The following ABCG1 variants were observed in gnomAD, a reference collection of about 807,000 sequenced individuals.
ABCG1 encodes ATP binding cassette subfamily G member 1, also known as ATP-binding cassette sub-family G member 1.
Under a neutral mutation model 69.2 loss-of-function variants are expected in ABCG1, and 29 were observed. The observed-to-expected ratio is 0.42, with a 90% CI of 0.31 to 0.57. The LOEUF (loss-of-function observed/expected upper bound fraction) is 0.57. Among genes scored for constraint, ABCG1 ranks in the 20% least tolerant of loss-of-function variants. ABCG1 has a pLI of 0.15. For synonymous variants in ABCG1, 370 were observed against 374.8 expected (o/e 0.99, Z 0.15); for missense variants, 718 against 898.1 (o/e 0.80, Z 2.56).
intron 13 of ABCG1, among the ~76,000 whole-genome samples, chr21:42,292,440 C>A (rs2069081141): frequency 6.6e-6 from 1 of 152,034 alleles, no homozygotes; most frequent in African/African-American, 2.4e-5. Flanking sequence ...AACCCGTGTG[C>A]CCCAAGGCCA....
intron 2 of ABCG1, chr21:42,256,444 G>A: frequency 1.3e-6 from 2 of 1,549,400 alleles, no homozygotes; most frequent in Non-Finnish European, 1.7e-6. Flanking sequence ...AGTATCCAGA[G>A]GCCGCAGAGT....
chr21:42,218,899 C>A (rs72542412), upstream of ABCG1, among the ~76,000 whole-genome samples: 2 of 152,220 alleles, frequency 1.3e-5, no homozygotes, highest in African/African-American at 4.8e-5. Context: ...GCTGGCCCAG[C>A]CCCCGCGAGT....
At chr21:42,206,219 A>G (rs2067541274) in intron 2 of ABCG1, among the ~76,000 whole-genome samples, 1 of 152,102 alleles carries the variant, frequency 6.6e-6, no homozygotes, top group Non-Finnish European at 1.5e-5. Flanking sequence ...ACATGGTGGC[A>G]CACACCTGTA....
At chr21:42,259,686 G>T (rs910712582) in intron 2 of ABCG1, among the ~76,000 whole-genome samples, 1 of 152,232 alleles carries the variant, frequency 6.6e-6, no homozygotes, top group African/African-American at 2.4e-5. Context: ...GCATTCGCAC[G>T]TGCATGTAAT....
At chr21:42,270,331 T>C (rs2068594048) in intron 2 of ABCG1, among the ~76,000 whole-genome samples, 1 of 151,822 alleles carries the variant, frequency 6.6e-6, no homozygotes, top group Non-Finnish European at 1.5e-5. Context: ...GCTTCTGTTT[T>C]ATTATTTACA....
At chr21:42,237,346 G>A (rs955615944) in intron 2 of ABCG1, among the ~76,000 whole-genome samples, 5 of 152,222 alleles carry the variant, frequency 3.3e-5, no homozygotes, top group African/African-American at 1.2e-4. Context: ...TGAACTGCCA[G>A]TCATTCTAGC....
intron 5 of ABCG1, among the ~76,000 whole-genome samples, chr21:42,277,868 T>G (rs1380953898): frequency 6.6e-6 from 1 of 152,128 alleles, no homozygotes; most frequent in African/African-American, 2.4e-5. Context: ...CATTTCCCCC[T>G]CTCCGGTCAT....
upstream of ABCG1, among the ~76,000 whole-genome samples, chr21:42,218,697 C>T (rs1386128809): frequency 6.6e-6 from 1 of 152,140 alleles, no homozygotes; most frequent in Non-Finnish European, 1.5e-5. Flanking sequence ...CAGAGAGCTG[C>T]CCAACACCGT....
At position 42,291,072 on chromosome 21, in the gene ABCG1, T is replaced by A. The variant is rs770273889; in HGVS notation, c.1394-20T>A. On this transcript the variant is annotated intron_variant, in intron 11 of 14. Coordinates refer to ENST00000398449, the MANE Select transcript of ABCG1 (RefSeq NM_016818.3). This position sits in a 1 kb window ranked among gnomAD's most constrained non-coding sequence, Gnocchi z 6.4. ...TGCACATGGTCACTGACCCTTCTTT[T>A]TTGCTTTTCTATCTCCTAGTTCCCC... 1 of 1,594,994 alleles carries A rather than the reference T, an allele frequency of 6.3e-7. No homozygotes were observed. The highest frequency in any genetic ancestry group is 8.6e-7 in the Non-Finnish European group (1 of 1,162,866).
At position 42,296,617 on chromosome 21, in the gene ABCG1, A is replaced by T; in HGVS notation, c.*225A>T. The T allele has an allele frequency of 6.1e-6, 3 of 488,502 alleles. No individual in the cohort carries two copies. Among genetic ancestry groups the T allele is most frequent in the Non-Finnish European group, 1.1e-5 (3 of 272,428 alleles). The allele number at this position is 488,502 out of a possible 1,614,324, so 30.3% of individuals were successfully genotyped here. Reference sequence around the variant, plus strand: ...GCTTTAACTAGGAAGATGTAGGCAGATTGGTGGTTTTTTTTTTTTTAACAT... The same window carrying T: ...GCTTTAACTAGGAAGATGTAGGCAGTTTGGTGGTTTTTTTTTTTTTAACAT... On this transcript the variant is annotated 3_prime_UTR_variant, in exon 15 of 15. Transcript: ENST00000398449. The surrounding 1 kb of genome is among the most constrained non-coding windows in gnomAD (Gnocchi z 5.4).
chr21:42,235,199 C>G (rs1335940275), intron 2 of ABCG1, among the ~76,000 whole-genome samples: 3 of 152,186 alleles, frequency 2.0e-5, no homozygotes, highest in Non-Finnish European at 1.5e-5. Flanking sequence ...GGTGTTGCCA[C>G]CCGGGGCGGC....
At chr21:42,282,567 C>T in intron 6 of ABCG1, 148 bp downstream of exon 6, 1 of 945,346 alleles carries the variant, frequency 1.1e-6, no homozygotes, top group Non-Finnish European at 1.5e-6. Flanking sequence ...TCTGGGACCA[C>T]TGGGCAGAAG....
intron 2 of ABCG1, among the ~76,000 whole-genome samples, chr21:42,240,577 C>T (rs768249989): frequency 2.6e-5 from 4 of 152,194 alleles, no homozygotes; most frequent in South Asian, 2.1e-4. Context: ...CAGCCTCCCA[C>T]GTAGCTGGGA....
At chr21:42,256,362 G>T (rs762349182) in intron 2 of ABCG1, 2 of 1,550,374 alleles carry the variant, frequency 1.3e-6, no homozygotes, top group Admixed American at 2.0e-5. Context: ...GTCAGGAGAG[G>T]TTGGTCTGTC....
intron 4 of ABCG1, among the ~76,000 whole-genome samples, chr21:42,274,889 G>A (rs900219668): frequency 1.3e-5 from 2 of 152,178 alleles, no homozygotes; most frequent in African/African-American, 4.8e-5. Flanking sequence ...AAATCAGTGT[G>A]CAGCTCCAGT....
intron 2 of ABCG1, among the ~76,000 whole-genome samples, chr21:42,257,156 G>C (rs1194910263): frequency 6.6e-6 from 1 of 152,188 alleles, no homozygotes; most frequent in African/African-American, 2.4e-5. Context: ...ACTTGCCCAA[G>C]GTCACACGGC....
chr21:42,259,366 G>C (rs2068364979), intron 2 of ABCG1: 1 of 1,550,424 alleles, frequency 6.4e-7, no homozygotes, highest in African/African-American at 1.4e-5. Flanking sequence ...AAACTGGAGA[G>C]CTCAGTGTTT....
In ABCG1 at chr21:42,265,304, T is replaced by A. The variant is rs569424852; in HGVS notation, c.287-5766T>A. Among the ~76,000 whole-genome samples the A allele has an allele frequency of 2.2e-4, 33 of 152,240 alleles. 1 individual carries two copies. Among genetic ancestry groups the A allele is most frequent in the Middle Eastern group, 3.4e-3 (1 of 294 alleles). On this transcript the variant is annotated intron_variant, in intron 2 of 14. Transcript: ENST00000398449. Reference sequence around the variant, plus strand: ...GGTTGAGTTGCATCCCCCAAATAGATATGTTGAAGTTCTAACCCCTGCTCC... The same window carrying A: ...GGTTGAGTTGCATCCCCCAAATAGAAATGTTGAAGTTCTAACCCCTGCTCC...
intron 2 of ABCG1, chr21:42,201,808 A>T: frequency 6.2e-7 from 1 of 1,604,038 alleles, no homozygotes; most frequent in African/African-American, 1.3e-5. Context: ...CGTGGGCCTG[A>T]TGTAGTCTAG....
Sources: allele counts gnomAD v4.1 joint callset (sites outside exome capture counted in the v4.1 genomes callset), GRCh38; gene constraint gnomAD v4.1.1; non-coding constraint Gnocchi (gnomAD v3.1); transcripts MANE v1.5; gene names NCBI Gene and HGNC (gene_info 2026-07-23, HGNC 2026-07-21).